The following CNTLN variants were observed in gnomAD, a reference collection of about 807,000 sequenced individuals.
CNTLN encodes centlein, centrosomal protein.
In CNTLN, 212 loss-of-function variants were observed where a neutral mutation model predicts 180.0. That is an observed-to-expected ratio of 1.18 (90% confidence interval 1.05 to 1.32). The LOEUF is 1.32. Ranked by LOEUF, CNTLN falls within the 40% of genes most tolerant of loss-of-function variation. CNTLN has a pLI of 0.00. For missense variants in CNTLN, 2,095 were observed against 1,610.9 expected (o/e 1.30, Z -5.14); for synonymous variants, 722 against 563.1 (o/e 1.28, Z -3.99).
chr9:17,195,653 T>A (rs1367749763), intron 2 of CNTLN, among the ~76,000 whole-genome samples: 2 of 152,214 alleles, frequency 1.3e-5, no homozygotes. Context: ...ATTCTGCCAG[T>A]AGCGTGCCTG....
In CNTLN at chr9:17,376,457, A is replaced by AT. The variant is rs553061341; in HGVS notation, c.1987+9752dup. The stretch of plus-strand genomic sequence containing the variant: ...CTTTTTCTTTTTTTTAAATTTTTTA[A>AT]TTTTTTTTTTTTGAGACGGAGTCTC... On this transcript the variant is annotated intron_variant, in intron 13 of 25. Coordinates refer to ENST00000380647, the MANE Select transcript of CNTLN (RefSeq NM_017738.4). Among the ~76,000 whole-genome samples the AT allele has an allele frequency of 2.4e-3, 357 of 148,056 alleles. 2 individuals are homozygous for AT. Among genetic ancestry groups the AT allele is most frequent in the Admixed American group, 7.0e-3 (104 of 14,812 alleles).
intron 15 of CNTLN, among the ~76,000 whole-genome samples, chr9:17,402,981 C>T (rs1393228633): frequency 6.6e-6 from 1 of 151,722 alleles, no homozygotes; most frequent in Non-Finnish European, 1.5e-5. Context: ...ACTTCCCACT[C>T]CCACTCCAAA....
intron 25 of CNTLN, among the ~76,000 whole-genome samples, chr9:17,501,085 G>A (rs2134421760): frequency 1.3e-5 from 2 of 152,298 alleles, no homozygotes; most frequent in East Asian, 3.9e-4. Context: ...ATATGAGTGT[G>A]TTTGATGTGG....
chr9:17,403,356 C>G (rs1041867252), intron 15 of CNTLN, among the ~76,000 whole-genome samples: 1 of 151,672 alleles, frequency 6.6e-6, no homozygotes, highest in African/African-American at 2.4e-5. Context: ...AGCTTTTGAA[C>G]AAAATTGACT....
intron 23 of CNTLN, among the ~76,000 whole-genome samples, chr9:17,478,896 T>C (rs758696155): frequency 2.0e-5 from 3 of 152,164 alleles, no homozygotes; most frequent in African/African-American, 2.4e-5. Flanking sequence ...AAAAAATAGG[T>C]TAAGGACTTT....
chr9:17,144,130 A>G (rs1414160799), intron 2 of CNTLN, among the ~76,000 whole-genome samples: 1 of 152,124 alleles, frequency 6.6e-6, no homozygotes, highest in African/African-American at 2.4e-5. Context: ...TATTACTTGA[A>G]TTATATTCAC....
intron 3 of CNTLN, among the ~76,000 whole-genome samples, chr9:17,231,379 T>G (rs772468201): frequency 1.4e-4 from 22 of 152,052 alleles, no homozygotes; most frequent in Non-Finnish European, 2.6e-4. Flanking sequence ...CAGAAAAACT[T>G]TCCTAGGGTG....
At chr9:17,440,134 A>G (rs907010957) in intron 18 of CNTLN, among the ~76,000 whole-genome samples, 6 of 152,218 alleles carry the variant, frequency 3.9e-5, no homozygotes, top group African/African-American at 1.4e-4. Context: ...TGATAAGGAT[A>G]TAGAGAAATT....
In CNTLN at chr9:17,457,723, T is replaced by C; in HGVS notation, c.3306+8T>C. 1 of 1,406,442 alleles carries C rather than the reference T, an allele frequency of 7.1e-7. No individual in the cohort carries two copies. Among genetic ancestry groups the C allele is most frequent in the South Asian group, 2.0e-5 (1 of 51,172 alleles). The allele number at this position is 1,406,442 out of a possible 1,614,324, so 87.1% of individuals were successfully genotyped here. On this transcript the variant is annotated splice_region_variant and intron_variant, in intron 19 of 25. Coordinates refer to ENST00000380647, the MANE Select transcript of CNTLN (RefSeq NM_017738.4). ...TTGCAGTATAAACTAAAGGTGATTA[T>C]AAAATTTATTAAGCATGAAAACATA... is the stretch of plus-strand genomic sequence containing the variant.
At chr9:17,482,326 AG>A (rs755514221) in intron 23 of CNTLN, among the ~76,000 whole-genome samples, 1 of 152,160 alleles carries the variant, frequency 6.6e-6, no homozygotes, top group Non-Finnish European at 1.5e-5. Flanking sequence ...TCCTAGAAAA[AG>A]TAATCAACTG....
chr9:17,423,667 G>A (rs756172535), intron 18 of CNTLN, among the ~76,000 whole-genome samples: 1 of 152,096 alleles, frequency 6.6e-6, no homozygotes, highest in African/African-American at 2.4e-5. Flanking sequence ...ATTCAGTACT[G>A]CAGGACACTT....
At chr9:17,351,775 A>T (rs1822386993) in intron 12 of CNTLN, among the ~76,000 whole-genome samples, 1 of 152,190 alleles carries the variant, frequency 6.6e-6, no homozygotes, top group African/African-American at 2.4e-5. Context: ...GACCTTTTAA[A>T]CTATAGTTCT....
At chr9:17,366,428 G>A (rs1051207402) in intron 12 of CNTLN, among the ~76,000 whole-genome samples, 189 bp from the exon 13 acceptor site, 1 of 151,984 alleles carries the variant, frequency 6.6e-6, no homozygotes, top group African/African-American at 2.4e-5. Context: ...GTAGGTATGA[G>A]CCACCATGCC....
At chr9:17,362,022 G>C (rs188297939) in intron 12 of CNTLN, among the ~76,000 whole-genome samples, 10 of 152,264 alleles carry the variant, frequency 6.6e-5, no homozygotes, top group Non-Finnish European at 2.9e-5. Context: ...AGTAAGATAT[G>C]GTTTGTTGGT....
chr9:17,476,516 G>C (rs1832356747), intron 23 of CNTLN, among the ~76,000 whole-genome samples: 1 of 152,154 alleles, frequency 6.6e-6, no homozygotes, highest in African/African-American at 2.4e-5. Flanking sequence ...GAATGCAAAG[G>C]AAAAGCTACT....
intron 18 of CNTLN, among the ~76,000 whole-genome samples, chr9:17,420,238 T>C (rs1428252065): frequency 1.3e-5 from 2 of 152,202 alleles, no homozygotes; most frequent in Admixed American, 6.5e-5. Flanking sequence ...GCTTTGCTTT[T>C]GTTACTTGCT....
At chr9:17,211,003 T>G (rs1323851911) in intron 2 of CNTLN, among the ~76,000 whole-genome samples, 2 of 152,196 alleles carry the variant, frequency 1.3e-5, no homozygotes, top group African/African-American at 2.4e-5. Context: ...CATTGTGCAG[T>G]TTGCCTGTTC....
chr9:17,304,627 A>G (rs1329882318), intron 7 of CNTLN, among the ~76,000 whole-genome samples: 1 of 152,184 alleles, frequency 6.6e-6, no homozygotes, highest in Non-Finnish European at 1.5e-5. Context: ...TGTTGCAAAT[A>G]CAGTTGGCAC....
intron 2 of CNTLN, among the ~76,000 whole-genome samples, chr9:17,161,778 G>A (rs978966377): frequency 6.6e-6 from 1 of 152,096 alleles, no homozygotes; most frequent in African/African-American, 2.4e-5. Flanking sequence ...TGTAACTCTA[G>A]GTACTGCAGC....
Sources: gnomAD v4.1 joint callset for allele counts (sites outside exome capture counted in the v4.1 genomes callset) on GRCh38, gnomAD v4.1.1 for gene constraint, MANE v1.5 for transcripts, NCBI Gene and HGNC (gene_info 2026-07-23, HGNC 2026-07-21) for gene names.